Variants in CGGBP1 observed in about 807,000 individuals in gnomAD.
CGGBP1 encodes the protein CGG triplet repeat-binding protein 1.
A neutral mutation model predicts 11.4 loss-of-function variants in CGGBP1; 4 were observed. That is an observed-to-expected ratio of 0.35 (90% confidence interval 0.17 to 0.80). CGGBP1 has a LOEUF of 0.80. CGGBP1 is among the 30% of genes least tolerant of loss of function. The pLI is 0.52. For missense variants in CGGBP1, 135 were observed against 202.1 expected (o/e 0.67, Z 2.01); for synonymous variants, 76 against 74.1 (o/e 1.03, Z -0.13).
chr3:88,134,061 G>C (rs1236143853), intron 2 of CGGBP1, among the ~76,000 whole-genome samples: 2 of 151,412 alleles, frequency 1.3e-5, no homozygotes, highest in African/African-American at 4.9e-5. Flanking sequence ...AGATGTGGTA[G>C]GAAGGTATGA....
At chr3:88,101,525 C>A (rs1011847498) in intron 2 of CGGBP1, among the ~76,000 whole-genome samples, 8 of 152,022 alleles carry the variant, frequency 5.3e-5, no homozygotes, top group Non-Finnish European at 1.5e-5. Context: ...TTATCAGTAG[C>A]TCATTTCTTT....
chr3:88,080,460 T>C (rs775814286), intron 2 of CGGBP1, among the ~76,000 whole-genome samples: 9 of 152,172 alleles, frequency 5.9e-5, no homozygotes, highest in Non-Finnish European at 1.3e-4. Context: ...ATATATGTCT[T>C]ATTTAAATTT....
intron 2 of CGGBP1, among the ~76,000 whole-genome samples, chr3:88,124,163 C>G (rs973662541): frequency 6.6e-6 from 1 of 152,154 alleles, no homozygotes; most frequent in Non-Finnish European, 1.5e-5. Context: ...GTCTTTTGAG[C>G]GCTTACTAGG....
chr3:88,059,828 C>G (rs1463760727), upstream of CGGBP1, among the ~76,000 whole-genome samples: 1 of 152,140 alleles, frequency 6.6e-6, no homozygotes, highest in African/African-American at 2.4e-5. Flanking sequence ...GCCCGAGAGT[C>G]CCGCCTTTCT....
chr3:88,060,247 G>A (rs1576169402), upstream of CGGBP1, among the ~76,000 whole-genome samples: 1 of 152,028 alleles, frequency 6.6e-6, no homozygotes, highest in Non-Finnish European at 1.5e-5. Flanking sequence ...AATATATAAT[G>A]TATTTTATTT....
chr3:88,080,634 A>AT (rs140266347), intron 2 of CGGBP1, among the ~76,000 whole-genome samples: 7,697 of 152,140 alleles, frequency 0.051, 300 homozygotes, highest in Non-Finnish European at 0.077. Flanking sequence ...TCTGCTGCCA[A>AT]TTTACCTGCT....
At chr3:88,075,720 G>T (rs1398344953) in intron 2 of CGGBP1, among the ~76,000 whole-genome samples, 1 of 152,054 alleles carries the variant, frequency 6.6e-6, no homozygotes, top group Non-Finnish European at 1.5e-5. Flanking sequence ...GTTTACATTT[G>T]AGCCTGTTAT....
Position 88,075,537 on chromosome 3 carries a change from A to G in CGGBP1, c.-228-17314T>C, listed in dbSNP as rs112272993. ...TGCTTTTAGGAGCCCAGTAAAGACA[A>G]TATCTCTTCTGCTGCTTGCTCTTTT... On this transcript the variant is annotated intron_variant, in intron 2 of 3. Coordinates refer to the CGGBP1 transcript ENST00000462901. Among the ~76,000 whole-genome samples the G allele has an allele frequency of 8.6e-3, 1,312 of 152,336 alleles. 17 individuals carry two copies. The highest frequency in any genetic ancestry group is 0.03 in the African/African-American group (1,249 of 41,580).
At chr3:88,103,567 C>A (rs1203244509) in intron 2 of CGGBP1, among the ~76,000 whole-genome samples, 1 of 151,908 alleles carries the variant, frequency 6.6e-6, no homozygotes, top group Non-Finnish European at 1.5e-5. Context: ...AAATAATGGC[C>A]ATGAATTTTC....
intron 1 of CGGBP1, chr3:88,141,520 G>A (rs1482347921): frequency 6.7e-6 from 4 of 601,312 alleles, no homozygotes; most frequent in South Asian, 6.4e-5. Context: ...CAGAAAAAGA[G>A]CTTGTCTGTC....
chr3:88,105,702 T>C (rs1009448703), intron 2 of CGGBP1, among the ~76,000 whole-genome samples: 6 of 152,220 alleles, frequency 3.9e-5, no homozygotes, highest in Non-Finnish European at 8.8e-5. Flanking sequence ...CTGATTTTTT[T>C]TGACTAAACT....
upstream of CGGBP1, among the ~76,000 whole-genome samples, chr3:88,063,642 G>A (rs1291216014): frequency 6.6e-6 from 1 of 151,962 alleles, no homozygotes; most frequent in East Asian, 1.9e-4. Context: ...TTTTATTAAT[G>A]TACTTAGTTT....
At chr3:88,059,646 T>A, upstream of CGGBP1, 12 of 797,144 alleles carry the variant, frequency 1.5e-5, no homozygotes, top group Non-Finnish European at 2.0e-5. Context: ...AGCTCCCTCC[T>A]CCACTTATCC....
Position 88,055,633 on chromosome 3 carries a change from T to C in CGGBP1, c.344A>G (p.Asn115Ser), listed in dbSNP as rs1706524469. Reference protein sequence around the residue: ...QDFVKMCLEANIPLEKADHPA... With the variant: ...QDFVKMCLEASIPLEKADHPA... ...GTGATCAGCCTTCTCAAGTGGGATGTTGGCTTCCAGGCACATTTTCACAAA... is the reference window on the plus strand; with the variant it reads ...GTGATCAGCCTTCTCAAGTGGGATGCTGGCTTCCAGGCACATTTTCACAAA... The change falls in exon 4 of 4, where the codon AAC becomes AGC. Residue 115 changes from asparagine (N) to serine (S), a missense_variant. Coordinates refer to ENST00000482016, the MANE Select transcript of CGGBP1 (RefSeq NM_001008390.2). This position sits in a 1 kb window ranked among gnomAD's most constrained non-coding sequence, Gnocchi z 4.2. The C allele has an allele frequency of 3.7e-6, 6 of 1,614,234 alleles. 1 individual carries two copies. The highest frequency in any genetic ancestry group is 3.3e-5 in the South Asian group (3 of 91,090).
At chr3:88,102,838 T>TTTTA (rs60771091) in intron 2 of CGGBP1, among the ~76,000 whole-genome samples, 18 of 146,908 alleles carry the variant, frequency 1.2e-4, no homozygotes, top group Non-Finnish European at 2.6e-4. Flanking sequence ...TTTTTTTTTT[T>TTTTA]AATAATTTCA....
At chr3:88,063,246 G>A (rs773045691), upstream of CGGBP1, among the ~76,000 whole-genome samples, 1 of 152,158 alleles carries the variant, frequency 6.6e-6, no homozygotes, top group Non-Finnish European at 1.5e-5. Flanking sequence ...CAGTAATGCC[G>A]AGGTTGAGAA....
chr3:88,059,271 G>A (rs551670640), upstream of CGGBP1: 232 of 1,527,072 alleles, frequency 1.5e-4, 4 homozygotes, highest in South Asian at 2.6e-3. Context: ...GGCATCTACG[G>A]CGGCGGCGGC....
intron 2 of CGGBP1, chr3:88,138,688 T>C (rs1706953205): frequency 1.6e-6 from 2 of 1,225,940 alleles, no homozygotes; most frequent in East Asian, 3.2e-5. Flanking sequence ...TTAGCACTAA[T>C]ATTTTTCTTT....
intron 2 of CGGBP1, among the ~76,000 whole-genome samples, chr3:88,089,292 C>G (rs1390524315): frequency 1.3e-5 from 2 of 149,744 alleles, no homozygotes; most frequent in Non-Finnish European, 3.0e-5. Flanking sequence ...GAGATCGAGA[C>G]CATCCTAGCC....
Sources: gnomAD v4.1 joint callset for allele counts (sites outside exome capture counted in the v4.1 genomes callset) on GRCh38, gnomAD v4.1.1 for gene constraint, Gnocchi (gnomAD v3.1) non-coding constraint, MANE v1.5 for transcripts, NCBI Gene and HGNC (gene_info 2026-07-23, HGNC 2026-07-21) for gene names.